ABCA13: variants seen among roughly 807,000 people sequenced by gnomAD.
ABCA13 encodes the protein ATP-binding cassette sub-family A member 13.
ABCA13 carries 476 observed loss-of-function variants against 478.7 expected under a neutral mutation model. That is an observed-to-expected ratio of 0.99 (90% CI 0.92 to 1.07). The LOEUF (loss-of-function observed/expected upper bound fraction) is 1.07, where lower values mean the gene tolerates loss of function less well. Ranked by LOEUF, ABCA13 falls within the 50% of genes least tolerant of loss-of-function variation. The pLI, the probability that ABCA13 is intolerant of heterozygous loss-of-function variation, is 0.00. For synonymous variants in ABCA13, 2,252 were observed against 2,158.9 expected (o/e 1.04, Z -1.20); for missense variants, 6,060 against 5,910.6 (o/e 1.03, Z -0.83).
At position 48,278,738 on chromosome 7, in the gene ABCA13, T is replaced by G; in HGVS notation, c.7544T>G (p.Leu2515Arg). 6.2e-7 allele frequency: 1 copy of G among 1,613,978 alleles called. No homozygotes were observed. The highest frequency in any genetic ancestry group is 1.3e-5 in the African/African-American group (1 of 75,056). ...LLNDSADLRD[L>R]ATSMDSIVKL... ...AATGACAGTGCTGACCTGAGAGATC[T>G]TGCCACATCAATGGACTCCATTGTG... The change falls in exon 18 of 62, where the codon CTT becomes CGT. Residue 2515 changes from leucine to arginine, a missense_variant. Physicochemically the swap from Leu to Arg is moderately radical, Grantham distance 102. Coordinates refer to ENST00000435803, the MANE Select transcript of ABCA13 (RefSeq NM_152701.5).
intron 55 of ABCA13, among the ~76,000 whole-genome samples, chr7:48,565,682 C>T (rs1386839973): frequency 6.6e-6 from 1 of 152,104 alleles, no homozygotes; most frequent in African/African-American, 2.4e-5. Context: ...AAGGTAAAAA[C>T]ATATTCCTAA....
At chr7:48,531,487 T>A (rs1235546550) in intron 55 of ABCA13, among the ~76,000 whole-genome samples, 1 of 152,114 alleles carries the variant, frequency 6.6e-6, no homozygotes, top group African/African-American at 2.4e-5. Context: ...TTCTTTTTGG[T>A]TCCATATGAA....
intron 29 of ABCA13, among the ~76,000 whole-genome samples, chr7:48,340,748 G>A (rs1807030161): frequency 6.6e-6 from 1 of 152,150 alleles, no homozygotes; most frequent in Admixed American, 6.5e-5. Context: ...TTGCTGCTTA[G>A]CCAACACTAC....
At chr7:48,395,062 C>T (rs1342972205) in intron 38 of ABCA13, among the ~76,000 whole-genome samples, 5 of 152,156 alleles carry the variant, frequency 3.3e-5, no homozygotes, top group Admixed American at 1.3e-4. Context: ...CAGCTTAGAG[C>T]GTCCACAGGC....
chr7:48,615,240 C>G, intron 58 of ABCA13, 45 bp from the exon 59 acceptor site: 3 of 1,263,032 alleles, frequency 2.4e-6, no homozygotes, highest in South Asian at 2.0e-5. Context: ...CAACCCTCCC[C>G]TCTTCAGGAA....
At chr7:48,506,625 ACTT>A (rs1288301328) in intron 49 of ABCA13, among the ~76,000 whole-genome samples, 1 of 152,238 alleles carries the variant, frequency 6.6e-6, no homozygotes, top group East Asian at 1.9e-4. Context: ...ATGCAACTGT[ACTT>A]CTAAGCAGAA....
intron 45 of ABCA13, among the ~76,000 whole-genome samples, chr7:48,476,428 G>A (rs1828093181): frequency 6.6e-6 from 1 of 152,008 alleles, no homozygotes; most frequent in Non-Finnish European, 1.5e-5. Context: ...CCAGCAAGGG[G>A]AAGAGCAGAA....
Position 48,598,764 on chromosome 7 carries a change from T to C in ABCA13, c.14744+3951T>C, listed in dbSNP as rs113121153. Among the ~76,000 whole-genome samples the C allele has an allele frequency of 4.5e-3, 680 of 152,230 alleles. 2 individuals are homozygous for C. The highest frequency in any genetic ancestry group is 7.1e-3 in the Non-Finnish European group (485 of 67,964). Reference sequence around the variant, plus strand: ...CTCATCTAAGAACTATTTGTTCAAATGAAGTCCTAAAGATTTTCTTCTATC... The same window carrying C: ...CTCATCTAAGAACTATTTGTTCAAACGAAGTCCTAAAGATTTTCTTCTATC... On this transcript the variant is annotated intron_variant, in intron 58 of 61. Transcript: ENST00000435803.
At chr7:48,256,173 T>C (rs2128710975) in intron 15 of ABCA13, among the ~76,000 whole-genome samples, 1 of 152,296 alleles carries the variant, frequency 6.6e-6, no homozygotes, top group Middle Eastern at 3.4e-3. Flanking sequence ...GTTTTTTAAA[T>C]TCCTTATAGA....
At position 48,279,141 on chromosome 7, in the gene ABCA13, G is replaced by C; in HGVS notation, c.7947G>C (p.Leu2649Phe). Residue 2649 changes from leucine (L) to phenylalanine (F), a missense_variant, in exon 18 of 62, where the codon TTG becomes TTC. Around this residue, in one of 3 missense-constraint regions of ABCA13, gnomAD observed 4,423 missense variants for 4,309.1 expected, o/e 1.03. Coordinates refer to ENST00000435803, the MANE Select transcript of ABCA13 (RefSeq NM_152701.5). ...TTTTAACATCTGTGAAAATGAACTTGGAAGATATGAGGAGTCTTGCGGTAG... is the reference window on the plus strand; with the variant it reads ...TTTTAACATCTGTGAAAATGAACTTCGAAGATATGAGGAGTCTTGCGGTAG... The part of the protein sequence containing the change: ...AEFLTSVKMN[L>F]EDMRSLAVAF... 3 of 1,607,214 alleles carry C rather than the reference G, an allele frequency of 1.9e-6. No homozygotes were observed. The highest frequency in any genetic ancestry group is 2.5e-6 in the Non-Finnish European group (3 of 1,177,196).
In ABCA13 at chr7:48,389,127, A is replaced by G. The variant is rs923288586; in HGVS notation, c.11561A>G (p.His3854Arg). 7.6e-5 allele frequency: 122 copies of G among 1,613,872 alleles called. No homozygotes were observed. The highest frequency in any genetic ancestry group is 1.0e-4 in the Non-Finnish European group (122 of 1,179,878). ...LVSVTKEYEG[H>R]KAVVQDLSLT... ...TCTGTGACCAAGGAATATGAGGGCC[A>G]CAAGGCTGTGGTCCAAGACCTCAGC... The change falls in exon 37 of 62, where the codon CAC (histidine) becomes CGC (arginine). Residue 3854 changes from histidine (H) to arginine (R), a missense_variant. Transcript: ENST00000435803.
intron 29 of ABCA13, among the ~76,000 whole-genome samples, chr7:48,350,120 A>G (rs1009059073): frequency 1.3e-5 from 2 of 152,218 alleles, no homozygotes; most frequent in Non-Finnish European, 2.9e-5. Context: ...GAATGCACAG[A>G]TCCAGGACAA....
Position 48,272,586 on chromosome 7 carries a change from G to A in ABCA13, c.2920G>A (p.Glu974Lys), listed in dbSNP as rs1436907195. Residue 974 changes from glutamate (E) to lysine (K), a missense_variant, in exon 17 of 62, where the codon GAA becomes AAA. By Grantham distance (56) the Glu-to-Lys change is moderately conservative (BLOSUM62 1). Around this residue, in one of 3 missense-constraint regions of ABCA13, gnomAD observed 4,423 missense variants for 4,309.1 expected, o/e 1.03. Transcript: ENST00000435803. ...IYSSFYRYIYELLNIQSRGSS... is the reference protein window; with the variant it reads ...IYSSFYRYIYKLLNIQSRGSS... ...TTCTTCATTTTACCGATATATTTATGAATTATTGAATATTCAGAGTAGAGG... is the reference window on the plus strand; with the variant it reads ...TTCTTCATTTTACCGATATATTTATAAATTATTGAATATTCAGAGTAGAGG... The A allele has an allele frequency of 6.2e-7, 1 of 1,613,420 alleles. No homozygotes were observed. Among genetic ancestry groups the A allele is most frequent in the East Asian group, 2.2e-5 (1 of 44,856 alleles).
intron 58 of ABCA13, among the ~76,000 whole-genome samples, chr7:48,603,167 A>T (rs1422300266): frequency 6.6e-6 from 1 of 152,158 alleles, no homozygotes; most frequent in East Asian, 1.9e-4. Context: ...TAGTCATGTC[A>T]ACTGCAAGCA....
At chr7:48,500,882 C>T (rs374623165) in intron 48 of ABCA13, among the ~76,000 whole-genome samples, 5 of 152,192 alleles carry the variant, frequency 3.3e-5, no homozygotes, top group African/African-American at 9.6e-5. Flanking sequence ...TGACCTTACA[C>T]AGGACATAGT....
intron 38 of ABCA13, among the ~76,000 whole-genome samples, chr7:48,401,556 G>A (rs1817604007): frequency 1.3e-5 from 2 of 152,142 alleles, no homozygotes; most frequent in Admixed American, 1.3e-4. Context: ...TCCTGCAGAA[G>A]GACCTGTGCT....
At chr7:48,585,010 A>G (rs772570165) in intron 56 of ABCA13, among the ~76,000 whole-genome samples, 1 of 151,912 alleles carries the variant, frequency 6.6e-6, no homozygotes, top group Non-Finnish European at 1.5e-5. Context: ...TCCTTCCTTC[A>G]TCTCTCATAT....
chr7:48,342,657 A>T (rs1039159437), intron 29 of ABCA13, among the ~76,000 whole-genome samples: 2 of 152,142 alleles, frequency 1.3e-5, no homozygotes, highest in Non-Finnish European at 2.9e-5. Flanking sequence ...CTTTTGAAGC[A>T]TTGCTTCTGA....
intron 47 of ABCA13, among the ~76,000 whole-genome samples, chr7:48,487,308 C>CGAAA (rs1410878952): frequency 9.0e-6 from 1 of 110,856 alleles, no homozygotes; most frequent in African/African-American, 3.7e-5. Context: ...AACTGTGTCT[C>CGAAA]AAAAAAAAAA....
Sources: gnomAD v4.1 joint callset for allele counts (sites outside exome capture counted in the v4.1 genomes callset) on GRCh38, gnomAD v4.1.1 for gene constraint, gnomAD v4.1.1 regional missense constraint, MANE v1.5 for transcripts, NCBI Gene and HGNC (gene_info 2026-07-23, HGNC 2026-07-21) for gene names.